The following LMAN1 variants were observed in gnomAD, a reference collection of about 807,000 sequenced individuals.
The protein encoded by LMAN1 is lectin, mannose binding 1.
In LMAN1, 32 loss-of-function variants were observed where a neutral mutation model predicts 67.8. That is an observed-to-expected ratio of 0.47 (90% CI 0.36 to 0.63). The LOEUF is 0.63. Ranked by LOEUF, LMAN1 falls within the 30% of genes least tolerant of loss-of-function variation. The pLI is 0.00. For missense variants in LMAN1, 632 were observed against 628.2 expected, an observed-to-expected ratio of 1.01 and a Z score of -0.06; for synonymous variants, 235 against 219.3, an observed-to-expected ratio of 1.07 and a Z score of -0.63.
chr18:59,354,749 T>C (rs1908621540), intron 3 of LMAN1, among the ~76,000 whole-genome samples, 169 bp from the exon 4 acceptor site: 1 of 152,184 alleles, frequency 6.6e-6, no homozygotes, highest in Non-Finnish European at 1.5e-5. Context: ...TTGCTAACAA[T>C]AACCCCTGAA....
chr18:59,358,248 C>T (rs949322894), intron 1 of LMAN1, among the ~76,000 whole-genome samples: 15 of 152,202 alleles, frequency 9.9e-5, no homozygotes, highest in African/African-American at 2.9e-4. Context: ...AAATATGAAC[C>T]CAAGATTATT....
Position 59,331,515 on chromosome 18 carries a change from G to A in LMAN1, c.1399C>T (p.Pro467Ser), listed in dbSNP as rs752675952. 1 of 1,612,870 alleles carries A rather than the reference G, an allele frequency of 6.2e-7. No homozygotes were observed. Among genetic ancestry groups the A allele is most frequent in the African/African-American group, 1.3e-5 (1 of 74,832 alleles). Reference sequence around the variant, plus strand: ...CATGATGGAAATGGTGGTAGTTCTGGGCATTTCGGCTTTTCATTTGATGGC... The same window carrying A: ...CATGATGGAAATGGTGGTAGTTCTGAGCATTTCGGCTTTTCATTTGATGGC... ...NMPSNEKPKC[P>S]ELPPFPSCLS... The change falls in exon 12 of 13, where the codon CCA (proline) becomes TCA (serine). Residue 467 changes from proline to serine, a missense_variant. By Grantham distance (74) the Pro-to-Ser change is moderately conservative. Coordinates refer to ENST00000251047, the MANE Select transcript of LMAN1 (RefSeq NM_005570.4).
intron 8 of LMAN1, among the ~76,000 whole-genome samples, chr18:59,342,629 A>C (rs1291558399): frequency 3.3e-5 from 5 of 151,974 alleles, no homozygotes; most frequent in Admixed American, 6.6e-5. Flanking sequence ...CCTTCATGAT[A>C]AAAATCCTCA....
Position 59,359,072 on chromosome 18 carries a change from A to T in LMAN1, c.173T>A (p.Val58Glu). ...YKYSFKGPHLVQSDGTVPFWA... is the reference protein window; with the variant it reads ...YKYSFKGPHLEQSDGTVPFWA... ...GAAGGGCACGGTCCCGTCGCTCTGC[A>T]CCAGGTGCGGCCCCTTGAAGCTGTA... The change falls in exon 1 of 13, where the codon GTG becomes GAG. Residue 58 changes from valine to glutamate, a missense_variant. Val to Glu is a moderately radical substitution (Grantham distance 121). Coordinates refer to ENST00000251047, the MANE Select transcript of LMAN1 (RefSeq NM_005570.4). 1 of 1,614,034 alleles carries T rather than the reference A, an allele frequency of 6.2e-7. No individual in the cohort carries two copies.
At chr18:59,337,365 T>C (rs905150505) in intron 10 of LMAN1, among the ~76,000 whole-genome samples, 5 of 152,038 alleles carry the variant, frequency 3.3e-5, no homozygotes, top group Non-Finnish European at 7.4e-5. Flanking sequence ...AAATGTAATG[T>C]GCGATTGTGG....
In LMAN1 at chr18:59,359,248, G is replaced by A. The variant is rs1020322950; in HGVS notation, c.-4C>T. 16 of 1,613,370 alleles carry A rather than the reference G, an allele frequency of 9.9e-6. No individual in the cohort carries two copies. In the African/African-American group the frequency reaches 1.5e-4, roughly 15 times the overall value. Reference sequence around the variant, plus strand: ...CCCTTTGCCTGGATCCCGCCATCTTGGATTCTGGAACGCGGAGGAGGGCGG... The same window carrying A: ...CCCTTTGCCTGGATCCCGCCATCTTAGATTCTGGAACGCGGAGGAGGGCGG... On this transcript the variant is annotated 5_prime_UTR_variant, in exon 1 of 13. Transcript: ENST00000251047.
intron 10 of LMAN1, among the ~76,000 whole-genome samples, chr18:59,337,111 C>T (rs1319822649): frequency 6.7e-6 from 1 of 150,038 alleles, no homozygotes; most frequent in African/African-American, 2.4e-5. Context: ...ACCACCATAA[C>T]CGAGTGATCA....
At position 59,331,528 on chromosome 18, in the gene LMAN1, T is replaced by G; in HGVS notation, c.1386A>C (p.Glu462Asp). 1 of 1,613,320 alleles carries G rather than the reference T, an allele frequency of 6.2e-7. No individual in the cohort carries two copies. Among genetic ancestry groups the G allele is most frequent in the South Asian group, 1.1e-5 (1 of 91,076 alleles). The change falls in exon 12 of 13, where the codon GAA (glutamate) becomes GAC (aspartate). Residue 462 changes from glutamate to aspartate, a missense_variant. By Grantham distance (45) the Glu-to-Asp change is conservative. Coordinates refer to ENST00000251047, the MANE Select transcript of LMAN1 (RefSeq NM_005570.4). ...NLVQRNMPSNEKPKCPELPPF... is the reference protein window; with the variant it reads ...NLVQRNMPSNDKPKCPELPPF... ...GTGGTAGTTCTGGGCATTTCGGCTTTTCATTTGATGGCTGTAAGGCAAATG... is the reference window on the plus strand; with the variant it reads ...GTGGTAGTTCTGGGCATTTCGGCTTGTCATTTGATGGCTGTAAGGCAAATG...
intron 1 of LMAN1, among the ~76,000 whole-genome samples, chr18:59,356,623 T>G (rs1603396300): frequency 6.6e-6 from 1 of 152,320 alleles, no homozygotes; most frequent in East Asian, 1.9e-4. Flanking sequence ...TGAGATACTT[T>G]AGTAGGATCA....
rs1603393314 is a variant in LMAN1, at chr18:59,328,949, G to A, written c.*2144C>T. On this transcript the variant is annotated 3_prime_UTR_variant, in exon 13 of 13. Transcript: ENST00000251047. ...ACATAAAAATTTTAAAATCAATTTT[G>A]TTTTAATCCAAGGCACCTGTAAAAC... The A allele has an allele frequency of 6.6e-6, 1 of 152,136 alleles. No individual in the cohort carries two copies. Among genetic ancestry groups the A allele is most frequent in the Non-Finnish European group, 1.5e-5 (1 of 68,012 alleles). The allele number at this position is 152,136 out of a possible 1,614,324, so 9.4% of individuals were successfully genotyped here.
At chr18:59,334,555 G>T (rs556731207) in intron 10 of LMAN1, among the ~76,000 whole-genome samples, 2 of 152,168 alleles carry the variant, frequency 1.3e-5, no homozygotes, top group Non-Finnish European at 2.9e-5. Context: ...TGGACAGAAC[G>T]CTTGAAAAGA....
In LMAN1 at chr18:59,333,286, GTTT is replaced by G. The variant is rs10714229; in HGVS notation, c.1221-45_1221-43del. On this transcript the variant is annotated intron_variant, in intron 10 of 12. Coordinates refer to ENST00000251047, the MANE Select transcript of LMAN1 (RefSeq NM_005570.4). The stretch of plus-strand genomic sequence containing the variant: ...CTTGATACAATAAAATCACTATAAA[GTTT>G]TTTTTTTTCAGTCACAGATCTCCAA... The G allele has an allele frequency of 2.2e-5, 29 of 1,323,556 alleles. No homozygotes were observed. The African/African-American group carries it at 4.0e-4, about 18-fold the overall frequency. The allele number at this position is 1,323,556 out of a possible 1,614,324, so 82.0% of individuals were successfully genotyped here. A position where few individuals can be genotyped will look rare whatever the true frequency, so the allele number is the denominator to read the frequency against.
intron 10 of LMAN1, among the ~76,000 whole-genome samples, chr18:59,334,114 A>G (rs1008919332): frequency 1.3e-5 from 2 of 152,220 alleles, no homozygotes; most frequent in Non-Finnish European, 2.9e-5. Flanking sequence ...ATATAACTAA[A>G]ATAATACCAA....
chr18:59,329,384 A>T lies in LMAN1; in HGVS notation c.*1709T>A, dbSNP rs2070733989. ...CTGGATTTGGCAGCCTTTTATCTCA[A>T]GAGGATTTCTCAAGTTTCATAGTTT... On this transcript the variant is annotated 3_prime_UTR_variant, in exon 13 of 13. Transcript: ENST00000251047. 6.6e-6 allele frequency: 1 copy of T among 152,174 alleles called. No homozygotes were observed. Among genetic ancestry groups the T allele is most frequent in the Non-Finnish European group, 1.5e-5 (1 of 68,016 alleles). The allele number at this position is 152,174 out of a possible 1,614,324, so 9.4% of individuals were successfully genotyped here. A position where few individuals can be genotyped will look rare whatever the true frequency, so the allele number is the denominator to read the frequency against.
intron 1 of LMAN1, 54 bp from the exon 2 acceptor site, chr18:59,355,712 A>G (rs1908646895): frequency 6.3e-7 from 1 of 1,579,264 alleles, no homozygotes. Context: ...GTAAAACTCA[A>G]TGATCATTTC....
At chr18:59,353,465 C>G (rs1908591263) in intron 4 of LMAN1, among the ~76,000 whole-genome samples, 164 bp from the exon 5 acceptor site, 1 of 152,224 alleles carries the variant, frequency 6.6e-6, no homozygotes, top group Non-Finnish European at 1.5e-5. Flanking sequence ...CAGTGAATCT[C>G]TACCCTAGGG....
In LMAN1 at chr18:59,346,008, T is replaced by C. The variant is rs1802621; in HGVS notation, c.866A>G (p.Tyr289Cys). The change falls in exon 8 of 13, where the codon TAT becomes TGT. Residue 289 changes from tyrosine to cysteine, a missense_variant. Coordinates refer to ENST00000251047, the MANE Select transcript of LMAN1 (RefSeq NM_005570.4). ...TTGAAAGTGCTCAAATTCCTCCTGA[T>C]ACTTTTCTTTTTCCTTTTCCGAAAT... ...KEISEKEKEK[Y>C]QEEFEHFQQE... 2 of 1,613,538 alleles carry C rather than the reference T, an allele frequency of 1.2e-6. No individual in the cohort carries two copies. The highest frequency in any genetic ancestry group is 2.2e-5 in the East Asian group (1 of 44,890).
intron 8 of LMAN1, among the ~76,000 whole-genome samples, chr18:59,345,018 T>C (rs1908368642): frequency 6.6e-6 from 1 of 152,182 alleles, no homozygotes; most frequent in South Asian, 2.1e-4. Flanking sequence ...GTATACACAT[T>C]TGTCAAAATT....
At chr18:59,339,016 G>C in intron 8 of LMAN1, 63 bp from the exon 9 acceptor site, 1 of 1,443,748 alleles carries the variant, frequency 6.9e-7, no homozygotes, top group Non-Finnish European at 9.6e-7. Context: ...TTGAAATAAC[G>C]TAAGTGACCA....
Sources: gnomAD v4.1 joint callset for allele counts (sites outside exome capture counted in the v4.1 genomes callset) on GRCh38, gnomAD v4.1.1 for gene constraint, MANE v1.5 for transcripts, NCBI Gene and HGNC (gene_info 2026-07-23, HGNC 2026-07-21) for gene names.